PACSIN2: variants seen among roughly 807,000 people sequenced by gnomAD.
The protein encoded by PACSIN2 is protein kinase C and casein kinase substrate in neurons protein 2.
Under a neutral mutation model 63.8 loss-of-function variants are expected in PACSIN2, and 25 were observed. The ratio of observed to expected loss-of-function variants is 0.39; its 90% CI spans 0.29 to 0.55. The LOEUF is 0.55. PACSIN2 is among the 20% of genes least tolerant of loss of function. PACSIN2 has a pLI of 0.62. For missense variants in PACSIN2, 518 were observed against 646.9 expected (o/e 0.80, Z 2.16); for synonymous variants, 255 against 256.2 (o/e 1.00, Z 0.05).
intron 1 of PACSIN2, among the ~76,000 whole-genome samples, chr22:42,949,470 A>G (rs1345458196): frequency 2.6e-5 from 4 of 152,102 alleles, no homozygotes; most frequent in South Asian, 4.1e-4. Context: ...GCGCGCACGC[A>G]CACACACACA....
chr22:42,975,140 G>A (rs951055474), intron 1 of PACSIN2, among the ~76,000 whole-genome samples: 1 of 152,154 alleles, frequency 6.6e-6, no homozygotes, highest in Non-Finnish European at 1.5e-5. Flanking sequence ...GGTCCAATCT[G>A]TATCAGTTTA....
chr22:42,877,508 C>T (rs1001091612), intron 8 of PACSIN2, among the ~76,000 whole-genome samples: 1 of 152,184 alleles, frequency 6.6e-6, no homozygotes, highest in African/African-American at 2.4e-5. Flanking sequence ...GTTCAGGGCT[C>T]GCTCTTCTGC....
intron 1 of PACSIN2, among the ~76,000 whole-genome samples, chr22:42,913,625 T>TA (rs951293334): frequency 9.9e-5 from 15 of 152,132 alleles, no homozygotes; most frequent in African/African-American, 3.6e-4. Flanking sequence ...TATACACCCT[T>TA]AGTAAGTGCT....
intron 1 of PACSIN2, among the ~76,000 whole-genome samples, chr22:42,979,896 C>G (rs578112199): frequency 6.6e-6 from 1 of 152,204 alleles, no homozygotes; most frequent in Admixed American, 6.5e-5. Context: ...CTTATGCCAA[C>G]TGTACTTGTC....
chr22:42,892,108 C>T (rs1346580616), intron 3 of PACSIN2, among the ~76,000 whole-genome samples: 1 of 152,182 alleles, frequency 6.6e-6, no homozygotes, highest in African/African-American at 2.4e-5. Flanking sequence ...GTCGCCTCTC[C>T]CTACTCACTG....
Position 42,953,442 on chromosome 22 carries a change from T to C in PACSIN2, c.-77-41285A>G, listed in dbSNP as rs368139995. On this transcript the variant is annotated intron_variant, in intron 1 of 10. Coordinates refer to ENST00000263246, the MANE Select transcript of PACSIN2 (RefSeq NM_001184970.3). ...TCTATGCAAATTGCATTGAAGGGCC[T>C]AGCCACTGCAATAAGAAAAATAACT... 2.4e-4 allele frequency among the ~76,000 whole-genome samples: 36 copies of C among 152,314 alleles called. No homozygotes were observed. The East Asian group carries it at 6.9e-3, about 29-fold the overall frequency.
At chr22:42,975,871 A>T in intron 1 of PACSIN2, among the ~76,000 whole-genome samples, 1 of 152,172 alleles carries the variant, frequency 6.6e-6, no homozygotes, top group East Asian at 1.9e-4. Context: ...AAACATTTCT[A>T]AACTAGGGGT....
intron 1 of PACSIN2, among the ~76,000 whole-genome samples, chr22:42,965,241 G>A (rs1601586681): frequency 6.6e-6 from 1 of 152,210 alleles, no homozygotes; most frequent in Non-Finnish European, 1.5e-5. Context: ...CCAATCTACA[G>A]TGACAGATTA....
intron 10 of PACSIN2, 102 bp downstream of exon 10, chr22:42,876,035 G>T: frequency 1.0e-6 from 1 of 992,610 alleles, no homozygotes; most frequent in Non-Finnish European, 1.5e-6. Flanking sequence ...ACTCACAAGT[G>T]AAACTAGCAA....
chr22:42,904,083 A>G (rs1930891947), intron 2 of PACSIN2, among the ~76,000 whole-genome samples: 1 of 152,188 alleles, frequency 6.6e-6, no homozygotes, highest in African/African-American at 2.4e-5. Flanking sequence ...AGAAATTGCA[A>G]TTTTCAGATC....
At chr22:42,919,915 C>A (rs1226305124) in intron 1 of PACSIN2, among the ~76,000 whole-genome samples, 1 of 149,202 alleles carries the variant, frequency 6.7e-6, no homozygotes, top group African/African-American at 2.5e-5. Context: ...CCACCCTGGG[C>A]AACACAGTGA....
intron 2 of PACSIN2, among the ~76,000 whole-genome samples, chr22:42,894,685 A>T (rs1930155462): frequency 6.6e-6 from 1 of 152,266 alleles, no homozygotes; most frequent in Non-Finnish European, 1.5e-5. Flanking sequence ...AGAGTAACTG[A>T]GGAAATGTTA....
intron 1 of PACSIN2, among the ~76,000 whole-genome samples, chr22:42,977,655 G>C (rs1358451941): frequency 1.9e-4 from 29 of 152,192 alleles, no homozygotes; most frequent in Admixed American, 1.9e-3. Context: ...TGTAATCCCT[G>C]TGTGGCAGGG....
intron 1 of PACSIN2, among the ~76,000 whole-genome samples, chr22:42,916,037 C>T (rs965911132): frequency 3.3e-5 from 5 of 152,284 alleles, no homozygotes; most frequent in South Asian, 2.1e-4. Flanking sequence ...TGGTGGAAGG[C>T]GGGAAATCCG....
intron 3 of PACSIN2, among the ~76,000 whole-genome samples, chr22:42,892,273 C>T (rs963628786): frequency 3.3e-5 from 5 of 152,096 alleles, no homozygotes; most frequent in African/African-American, 1.2e-4. Context: ...TCAAGGTGGT[C>T]ACAGGGACAG....
At chr22:42,995,995 C>A (rs1292512589) in intron 1 of PACSIN2, among the ~76,000 whole-genome samples, 1 of 150,786 alleles carries the variant, frequency 6.6e-6, no homozygotes, top group Non-Finnish European at 1.5e-5. Context: ...CCGAAGTGGG[C>A]GGATCACAAG....
chr22:42,996,682 G>A (rs1923425668), intron 1 of PACSIN2, among the ~76,000 whole-genome samples: 1 of 152,022 alleles, frequency 6.6e-6, no homozygotes, highest in Admixed American at 6.6e-5. Flanking sequence ...ACAGAGTGAG[G>A]CCCTGTCTCA....
chr22:42,879,526 G>T (rs1198489041), intron 7 of PACSIN2, among the ~76,000 whole-genome samples: 1 of 152,184 alleles, frequency 6.6e-6, no homozygotes, highest in Non-Finnish European at 1.5e-5. Context: ...CACCCACCAA[G>T]GTTCTCAGTC....
intron 1 of PACSIN2, among the ~76,000 whole-genome samples, chr22:42,967,818 G>A (rs2146861022): frequency 6.6e-6 from 1 of 152,260 alleles, no homozygotes; most frequent in South Asian, 2.1e-4. Flanking sequence ...AACCCGGGAG[G>A]CAGAGTTTGC....
Sources: allele counts gnomAD v4.1 joint callset (sites outside exome capture counted in the v4.1 genomes callset), GRCh38; gene constraint gnomAD v4.1.1; transcripts MANE v1.5; gene names NCBI Gene and HGNC (gene_info 2026-07-23, HGNC 2026-07-21).